GUCY1B1: variants seen among roughly 807,000 people sequenced by gnomAD.
The protein encoded by GUCY1B1 is guanylate cyclase soluble subunit beta-1.
GUCY1B1 carries 43 observed loss-of-function variants against 71.0 expected under a neutral mutation model. The ratio of observed to expected loss-of-function variants is 0.61; its 90% CI spans 0.47 to 0.78. GUCY1B1 has a LOEUF of 0.78. Ranked by LOEUF, GUCY1B1 falls within the 30% of genes least tolerant of loss-of-function variation. The pLI, the probability that GUCY1B1 is intolerant of heterozygous loss-of-function variation, is 0.00. For synonymous variants in GUCY1B1, 266 were observed against 259.7 expected (o/e 1.02, Z -0.23); for missense variants, 535 against 754.1 (o/e 0.71, Z 3.40).
chr4:155,788,426 C>T (rs537397509), intron 4 of GUCY1B1, among the ~76,000 whole-genome samples: 2 of 152,282 alleles, frequency 1.3e-5, no homozygotes, highest in African/African-American at 4.8e-5. Flanking sequence ...TGTCATTGCA[C>T]ATCTCTCTGT....
chr4:155,798,827 A>G (rs1739743205), intron 8 of GUCY1B1, among the ~76,000 whole-genome samples: 1 of 144,674 alleles, frequency 6.9e-6, no homozygotes, highest in Admixed American at 6.9e-5. Flanking sequence ...TTAACCAGTT[A>G]GGTTTTGTTG....
intron 11 of GUCY1B1, among the ~76,000 whole-genome samples, chr4:155,804,015 C>G (rs1376230376): frequency 6.6e-6 from 1 of 152,080 alleles, no homozygotes; most frequent in Non-Finnish European, 1.5e-5. Context: ...CTTGTACCTT[C>G]TAGTTTATTT....
chr4:155,807,701 A>G lies in GUCY1B1; in HGVS notation c.*1292A>G, dbSNP rs918320863. ...ATTTTGCCTATTTGCTACCATTATA[A>G]ATTTTCACTGACTCCTCATAGACAG... On this transcript the variant is annotated 3_prime_UTR_variant, in exon 14 of 14. Transcript: ENST00000264424. 1 of 152,052 alleles carries G rather than the reference A, an allele frequency of 6.6e-6. No homozygotes were observed. The highest frequency in any genetic ancestry group is 2.4e-5 in the African/African-American group (1 of 41,424). 9.4% of individuals were successfully genotyped at this position (152,052 alleles called of 1,614,324 possible). A position where few individuals can be genotyped will look rare whatever the true frequency, so the allele number is the denominator to read the frequency against.
chr4:155,787,301 C>T (rs576856735), intron 4 of GUCY1B1, among the ~76,000 whole-genome samples: 1 of 152,274 alleles, frequency 6.6e-6, no homozygotes, highest in East Asian at 1.9e-4. Flanking sequence ...ATGGCAATAG[C>T]AGCCTCTAGA....
chr4:155,806,321 T>C, intron 13 of GUCY1B1, 65 bp from the exon 14 acceptor site: 1 of 974,958 alleles, frequency 1.0e-6, no homozygotes, highest in Non-Finnish European at 1.6e-6. Context: ...AAAAATATAT[T>C]TAATTGATAT....
chr4:155,790,303 A>G (rs901510120), intron 5 of GUCY1B1, among the ~76,000 whole-genome samples: 28 of 152,270 alleles, frequency 1.8e-4, no homozygotes, highest in African/African-American at 6.0e-4. Context: ...TTTATAGATC[A>G]TTTTCTCTTT....
chr4:155,789,291 A>C (rs1403112870), intron 4 of GUCY1B1, among the ~76,000 whole-genome samples: 3 of 152,190 alleles, frequency 2.0e-5, no homozygotes, highest in Non-Finnish European at 4.4e-5. Context: ...TTGACAATTA[A>C]GTTTTAGAAT....
At chr4:155,793,189 G>T (rs1042039731) in intron 5 of GUCY1B1, among the ~76,000 whole-genome samples, 6 of 152,006 alleles carry the variant, frequency 3.9e-5, no homozygotes, top group African/African-American at 1.4e-4. Flanking sequence ...CAATTCTACT[G>T]CCTCAGCTTC....
intron 2 of GUCY1B1, among the ~76,000 whole-genome samples, chr4:155,769,448 T>C (rs1047197252): frequency 3.3e-5 from 5 of 152,116 alleles, no homozygotes; most frequent in African/African-American, 4.8e-5. Context: ...ATTCACTGAA[T>C]AGAAAAATTT....
chr4:155,776,101 A>G (rs769517755), intron 3 of GUCY1B1, among the ~76,000 whole-genome samples: 1 of 152,230 alleles, frequency 6.6e-6, no homozygotes, highest in Non-Finnish European at 1.5e-5. Context: ...AGTCTTAAAA[A>G]TGGAAATATC....
intron 8 of GUCY1B1, among the ~76,000 whole-genome samples, chr4:155,799,262 A>G (rs1042879440): frequency 5.3e-5 from 8 of 152,206 alleles, no homozygotes; most frequent in African/African-American, 1.9e-4. Context: ...ATTCAGCAGG[A>G]TTGAATAATG....
At chr4:155,769,063 C>T (rs1329464036) in intron 2 of GUCY1B1, among the ~76,000 whole-genome samples, 1 of 152,006 alleles carries the variant, frequency 6.6e-6, no homozygotes, top group Non-Finnish European at 1.5e-5. Context: ...TCCCTTCTTC[C>T]TTCATCTTCT....
At chr4:155,765,480 A>G (rs1737272067) in intron 2 of GUCY1B1, among the ~76,000 whole-genome samples, 1 of 152,192 alleles carries the variant, frequency 6.6e-6, no homozygotes, top group Admixed American at 6.5e-5. Flanking sequence ...ATGTCTAGCA[A>G]AATGAAGCAT....
At chr4:155,783,098 C>G (rs189868152) in intron 4 of GUCY1B1, among the ~76,000 whole-genome samples, 1 of 152,288 alleles carries the variant, frequency 6.6e-6, no homozygotes, top group East Asian at 1.9e-4. Context: ...CTATGGATAA[C>G]TAGACCACTA....
At chr4:155,772,568 C>CTAGAA in intron 2 of GUCY1B1, 1 of 585,126 alleles carries the variant, frequency 1.7e-6, no homozygotes. Context: ...AGACTTGCGC[C>CTAGAA]ACCACACCTG....
At position 155,785,025 on chromosome 4, in the gene GUCY1B1, A is replaced by G. The variant is rs1208197050; in HGVS notation, c.298-4689A>G. ...CAGTAGAGTACCCCAGAATACCAGA[A>G]CTAATTTTTCTTTTATAAATGATAA... is the stretch of plus-strand genomic sequence containing the variant. On this transcript the variant is annotated intron_variant, in intron 4 of 13. Coordinates refer to ENST00000264424, the MANE Select transcript of GUCY1B1 (RefSeq NM_000857.5). Among the ~76,000 whole-genome samples the G allele has an allele frequency of 2.6e-5, 4 of 152,154 alleles. No individual in the cohort carries two copies. In the East Asian group the frequency reaches 7.7e-4, roughly 29 times the overall value.
At chr4:155,772,963 G>A (rs919831810) in intron 2 of GUCY1B1, among the ~76,000 whole-genome samples, 4 of 152,210 alleles carry the variant, frequency 2.6e-5, no homozygotes, top group African/African-American at 7.2e-5. Context: ...TTTCCCTTGA[G>A]CATACACAGA....
chr4:155,797,642 G>T (rs554602200), intron 8 of GUCY1B1, among the ~76,000 whole-genome samples: 2 of 151,584 alleles, frequency 1.3e-5, no homozygotes, highest in Non-Finnish European at 2.9e-5. Context: ...GGAGGCTGAG[G>T]CAGGAGAGTC....
intron 2 of GUCY1B1, among the ~76,000 whole-genome samples, chr4:155,771,718 T>C (rs1737705058): frequency 1.3e-5 from 2 of 152,198 alleles, no homozygotes; most frequent in Non-Finnish European, 2.9e-5. Context: ...TGTTCTGTTT[T>C]TACATAGAAG....
Sources: gnomAD v4.1 joint callset for allele counts (sites outside exome capture counted in the v4.1 genomes callset) on GRCh38, gnomAD v4.1.1 for gene constraint, MANE v1.5 for transcripts, NCBI Gene and HGNC (gene_info 2026-07-23, HGNC 2026-07-21) for gene names.